MBD5: variants seen among roughly 807,000 people sequenced by gnomAD.
MBD5 encodes methyl-CpG binding domain protein 5, also known as methyl-CpG-binding domain protein 5.
A neutral mutation model predicts 117.3 loss-of-function variants in MBD5; 13 were observed. The ratio of observed to expected loss-of-function variants is 0.11; its 90% CI spans 0.07 to 0.18. MBD5 has a LOEUF of 0.18. Among genes scored for constraint, MBD5 ranks in the 10% least tolerant of loss-of-function variants. The probability of loss-of-function intolerance (pLI) is 1.00; values close to 1 mark genes in which losing one functional copy is unlikely to be tolerated. For synonymous variants in MBD5, 727 were observed against 766.4 expected (o/e 0.95, Z 0.85); for missense variants, 1,879 against 2,093.8 (o/e 0.90, Z 2.00).
chr2:148,303,297 T>TA (rs1197044212), intron 3 of MBD5, among the ~76,000 whole-genome samples: 1 of 152,102 alleles, frequency 6.6e-6, no homozygotes, highest in African/African-American at 2.4e-5. Context: ...CAAGCATACT[T>TA]AAAAAAGCAA....
chr2:148,379,385 G>A (rs967908220), intron 4 of MBD5, among the ~76,000 whole-genome samples: 1 of 151,974 alleles, frequency 6.6e-6, no homozygotes, highest in Non-Finnish European at 1.5e-5. Flanking sequence ...GAAAATACTT[G>A]TCAACCTAAG....
intron 3 of MBD5, among the ~76,000 whole-genome samples, chr2:148,262,564 G>T (rs1467701408): frequency 6.6e-6 from 1 of 152,018 alleles, no homozygotes; most frequent in Non-Finnish European, 1.5e-5. Context: ...AAAAAACTGA[G>T]CCCTGTGGAA....
intron 1 of MBD5, among the ~76,000 whole-genome samples, chr2:148,145,719 G>A (rs1294391666): frequency 6.6e-6 from 1 of 152,120 alleles, no homozygotes; most frequent in Admixed American, 6.6e-5. Flanking sequence ...TATGGTTTTT[G>A]TCTTTGGTCT....
chr2:148,116,057 TG>T (rs1186445556), intron 1 of MBD5, among the ~76,000 whole-genome samples: 1 of 152,082 alleles, frequency 6.6e-6, no homozygotes, highest in Non-Finnish European at 1.5e-5. Context: ...TTGACCAGGC[TG>T]GTCTCAAACT....
rs1284517956 is a variant in MBD5, at chr2:148,247,893, C to T, written c.-680+14498C>T. ...AGTATGGTGAAGTTAGGTACCCTGA[C>T]ATCTCATGATAAACAACTAAAAACA... On this transcript the variant is annotated intron_variant, in intron 3 of 13. Coordinates refer to ENST00000642680, the MANE Select transcript of MBD5 (RefSeq NM_001378120.1). Among the ~76,000 whole-genome samples the T allele has an allele frequency of 3.3e-5, 5 of 152,058 alleles. No individual in the cohort carries two copies. The East Asian group carries it at 9.6e-4, about 29-fold the overall frequency.
In MBD5 at chr2:148,514,961, G is replaced by A. The variant is rs1574511102; in HGVS notation, c.*2020G>A. The A allele has an allele frequency of 6.6e-6, 1 of 152,058 alleles. No individual in the cohort carries two copies. 9.4% of individuals were successfully genotyped at this position (152,058 alleles called of 1,614,324 possible). A position where few individuals can be genotyped will look rare whatever the true frequency, so the allele number is the denominator to read the frequency against. On this transcript the variant is annotated 3_prime_UTR_variant, in exon 14 of 14. Transcript: ENST00000642680. ...TTCATTTTGTCTCTCTTGTAATGGT[G>A]GGATTGCCTGCCCAGTTCCTTCATG... is the stretch of plus-strand genomic sequence containing the variant.
At chr2:148,049,536 T>C (rs983922445) in intron 1 of MBD5, among the ~76,000 whole-genome samples, 2 of 152,202 alleles carry the variant, frequency 1.3e-5, no homozygotes, top group African/African-American at 4.8e-5. Flanking sequence ...AGGGTGGCTT[T>C]CATTTTTTAT....
chr2:148,151,941 T>C (rs1697685347), intron 1 of MBD5, among the ~76,000 whole-genome samples: 1 of 151,866 alleles, frequency 6.6e-6, no homozygotes, highest in Admixed American at 6.6e-5. Flanking sequence ...TCTCTTTCCT[T>C]CAGTTCTGCT....
At chr2:148,164,552 G>A (rs2105764746) in intron 1 of MBD5, among the ~76,000 whole-genome samples, 1 of 152,084 alleles carries the variant, frequency 6.6e-6, no homozygotes, top group South Asian at 2.1e-4. Context: ...GATATAACTA[G>A]TGTTATAATT....
At chr2:148,049,727 C>T (rs1285148051) in intron 1 of MBD5, among the ~76,000 whole-genome samples, 1 of 152,164 alleles carries the variant, frequency 6.6e-6, no homozygotes, top group Non-Finnish European at 1.5e-5. Flanking sequence ...TACCTCCCTC[C>T]TTCCCATATC....
At chr2:148,377,346 T>G (rs1362739864) in intron 4 of MBD5, among the ~76,000 whole-genome samples, 1 of 152,152 alleles carries the variant, frequency 6.6e-6, no homozygotes, top group East Asian at 1.9e-4. Flanking sequence ...GGGTCTGCCT[T>G]TCCCAGCCCA....
At chr2:148,164,303 C>T (rs1698076405) in intron 1 of MBD5, among the ~76,000 whole-genome samples, 1 of 151,924 alleles carries the variant, frequency 6.6e-6, no homozygotes, top group African/African-American at 2.4e-5. Flanking sequence ...AGGCACCAAC[C>T]ATTCTGGCAT....
intron 3 of MBD5, among the ~76,000 whole-genome samples, chr2:148,333,682 A>G (rs1182419850): frequency 1.3e-5 from 1 of 78,870 alleles, no homozygotes; most frequent in Admixed American, 1.4e-4. Context: ...TCTCTGCTGA[A>G]AAAAAAAAAA....
intron 1 of MBD5, among the ~76,000 whole-genome samples, chr2:148,036,656 C>T (rs1046292598): frequency 6.6e-6 from 1 of 151,998 alleles, no homozygotes; most frequent in African/African-American, 2.4e-5. Context: ...AGTCAGTACT[C>T]TAGTACTATA....
At chr2:148,442,507 A>G (rs773790118) in intron 4 of MBD5, among the ~76,000 whole-genome samples, 15 of 151,366 alleles carry the variant, frequency 9.9e-5, no homozygotes, top group African/African-American at 9.8e-5. Context: ...AAAATAGACT[A>G]TGTTAGATAG....
At chr2:148,423,299 T>C (rs1705669257) in intron 4 of MBD5, among the ~76,000 whole-genome samples, 1 of 151,770 alleles carries the variant, frequency 6.6e-6, no homozygotes, top group South Asian at 2.1e-4. Context: ...AAGAAAAGAA[T>C]TTTCTTTTTT....
At chr2:148,300,894 T>C (rs1268107473) in intron 3 of MBD5, among the ~76,000 whole-genome samples, 1 of 152,364 alleles carries the variant, frequency 6.6e-6, no homozygotes, top group South Asian at 2.1e-4. Flanking sequence ...AAAGTTATTA[T>C]AGTGGCAACA....
rs368239149 is a variant in MBD5 at position 148,239,949 on chromosome 2, A to G, written c.-680+6554A>G. On this transcript the variant is annotated intron_variant, in intron 3 of 13. Transcript: ENST00000642680. ...CCAAAGGATTATAAATCATGCTGCT[A>G]TAAAGACACATGCACACATATGTTT... 2.1e-4 allele frequency among the ~76,000 whole-genome samples: 32 copies of G among 152,324 alleles called. 1 individual carries two copies. Among genetic ancestry groups the G allele is most frequent in the African/African-American group, 6.7e-4 (28 of 41,570 alleles).
chr2:148,493,593 G>C (rs1321103226), intron 11 of MBD5, among the ~76,000 whole-genome samples: 1 of 152,204 alleles, frequency 6.6e-6, no homozygotes, highest in African/African-American at 2.4e-5. Flanking sequence ...TGTGTGATCA[G>C]AGCACTGATA....
Sources: gnomAD v4.1 joint callset for allele counts (sites outside exome capture counted in the v4.1 genomes callset) on GRCh38, gnomAD v4.1.1 for gene constraint, MANE v1.5 for transcripts, NCBI Gene and HGNC (gene_info 2026-07-23, HGNC 2026-07-21) for gene names.